The following GABRG3 variants were observed in gnomAD, a reference collection of about 807,000 sequenced individuals.
The protein encoded by GABRG3 is gamma-aminobutyric acid receptor subunit gamma-3.
GABRG3 carries 25 observed loss-of-function variants against 48.8 expected under a neutral mutation model. That is an observed-to-expected ratio of 0.51 (90% CI 0.37 to 0.72). GABRG3 has a LOEUF of 0.72. GABRG3 is among the 30% of genes least tolerant of loss of function. The pLI is 0.00. For synonymous variants in GABRG3, 227 were observed against 217.6 expected, an observed-to-expected ratio of 1.04 and a Z score of -0.38; for missense variants, 394 against 577.9, an observed-to-expected ratio of 0.68 and a Z score of 3.26.
At chr15:27,404,562 G>T (rs1471129008) in intron 5 of GABRG3, among the ~76,000 whole-genome samples, 1 of 152,196 alleles carries the variant, frequency 6.6e-6, no homozygotes, top group Non-Finnish European at 1.5e-5. Context: ...AGGGCTGTCT[G>T]GTTAATGGAC....
chr15:27,095,562 A>G (rs1374883926), intron 3 of GABRG3, among the ~76,000 whole-genome samples: 2 of 152,060 alleles, frequency 1.3e-5, no homozygotes, highest in African/African-American at 2.4e-5. Flanking sequence ...TCATAATTTA[A>G]TTATTTGTAA....
intron 3 of GABRG3, among the ~76,000 whole-genome samples, chr15:27,216,881 C>T (rs1355074427): frequency 6.8e-5 from 10 of 146,000 alleles, no homozygotes; most frequent in East Asian, 4.1e-4. Flanking sequence ...CACCCACTAA[C>T]GTGTCATCTA....
intron 3 of GABRG3, among the ~76,000 whole-genome samples, chr15:27,091,737 G>A (rs1011519142): frequency 2.0e-5 from 3 of 152,154 alleles, no homozygotes; most frequent in Non-Finnish European, 2.9e-5. Context: ...ACCAACAAAC[G>A]TGGTTCCTTG....
chr15:27,142,371 G>A (rs184101591), intron 3 of GABRG3, among the ~76,000 whole-genome samples: 15 of 152,266 alleles, frequency 9.9e-5, no homozygotes, highest in Non-Finnish European at 2.1e-4. Context: ...AGGCAAGGAG[G>A]ATCGAGTCCC....
intron 3 of GABRG3, among the ~76,000 whole-genome samples, chr15:27,317,089 C>T (rs73363149): frequency 4.8e-4 from 73 of 152,228 alleles, no homozygotes; most frequent in African/African-American, 1.8e-3. Context: ...GCCCTTTGGA[C>T]CCCCTCACCA....
At chr15:27,186,856 TTTCCCA>T (rs1888114505) in intron 3 of GABRG3, among the ~76,000 whole-genome samples, 1 of 152,204 alleles carries the variant, frequency 6.6e-6, no homozygotes, top group Admixed American at 6.6e-5. Context: ...TGCTTGTTGA[TTTCCCA>T]TTCCATAGGT....
At chr15:27,512,855 C>A (rs1486470385) in intron 6 of GABRG3, among the ~76,000 whole-genome samples, 2 of 152,142 alleles carry the variant, frequency 1.3e-5, no homozygotes, top group Non-Finnish European at 2.9e-5. Flanking sequence ...TAGGGCTGAC[C>A]TCCAAAAAGT....
chr15:27,312,171 C>A (rs1418817995), intron 3 of GABRG3, among the ~76,000 whole-genome samples: 1 of 151,916 alleles, frequency 6.6e-6, no homozygotes, highest in African/African-American at 2.4e-5. Context: ...GAAAAATTCA[C>A]TTGAGGGGTT....
intron 3 of GABRG3, among the ~76,000 whole-genome samples, chr15:27,284,731 T>C (rs1271775128): frequency 6.6e-6 from 1 of 152,152 alleles, no homozygotes; most frequent in Non-Finnish European, 1.5e-5. Flanking sequence ...ACTAGATAAT[T>C]TGACCAGCGA....
chr15:27,415,205 T>C (rs1887906120), intron 5 of GABRG3, among the ~76,000 whole-genome samples: 1 of 152,202 alleles, frequency 6.6e-6, no homozygotes, highest in Non-Finnish European at 1.5e-5. Context: ...CCATAGTTCT[T>C]GAATATTCTG....
intron 3 of GABRG3, among the ~76,000 whole-genome samples, chr15:27,108,548 C>T (rs1897490241): frequency 6.6e-6 from 1 of 152,162 alleles, no homozygotes; most frequent in Non-Finnish European, 1.5e-5. Context: ...AGGGCTTGTT[C>T]TGCTGTTGTC....
At chr15:27,126,870 G>A (rs1176576293) in intron 3 of GABRG3, among the ~76,000 whole-genome samples, 4 of 152,164 alleles carry the variant, frequency 2.6e-5, no homozygotes, top group African/African-American at 9.7e-5. Flanking sequence ...GATGGTGATG[G>A]AGCCCTGAGT....
chr15:27,034,849 C>T (rs553237267), intron 3 of GABRG3, among the ~76,000 whole-genome samples: 3 of 152,354 alleles, frequency 2.0e-5, no homozygotes, highest in East Asian at 3.9e-4. Context: ...GTGAACACAT[C>T]CTGCTCTACA....
At chr15:27,164,766 A>C (rs1003600262) in intron 3 of GABRG3, among the ~76,000 whole-genome samples, 12 of 152,226 alleles carry the variant, frequency 7.9e-5, no homozygotes, top group Non-Finnish European at 8.8e-5. Flanking sequence ...CATTGGTGAA[A>C]TCATTTTAGA....
intron 3 of GABRG3, among the ~76,000 whole-genome samples, chr15:27,152,870 T>TG (rs1898344066): frequency 6.6e-6 from 1 of 151,384 alleles, no homozygotes; most frequent in African/African-American, 2.4e-5. Context: ...AATTTTTTTT[T>TG]TTTTTTTTGA....
intron 3 of GABRG3, among the ~76,000 whole-genome samples, chr15:27,266,602 G>T (rs1020088566): frequency 2.0e-5 from 3 of 152,178 alleles, no homozygotes; most frequent in African/African-American, 7.2e-5. Flanking sequence ...GATTAGGAAT[G>T]CATCAAATCT....
At chr15:27,321,943 G>C (rs1338319295) in intron 3 of GABRG3, among the ~76,000 whole-genome samples, 1 of 152,280 alleles carries the variant, frequency 6.6e-6, no homozygotes, top group Non-Finnish European at 1.5e-5. Flanking sequence ...TGCAGTGACT[G>C]AAACAAATCA....
intron 3 of GABRG3, among the ~76,000 whole-genome samples, chr15:27,174,187 C>T (rs759308786): frequency 2.0e-5 from 3 of 152,172 alleles, no homozygotes; most frequent in Non-Finnish European, 4.4e-5. Flanking sequence ...CTCCAAACAC[C>T]ATTGTGTGGT....
chr15:27,518,252 C>G (rs1891074022), intron 6 of GABRG3, among the ~76,000 whole-genome samples: 1 of 150,798 alleles, frequency 6.6e-6, no homozygotes, highest in African/African-American at 2.5e-5. Context: ...GCCTGTAATC[C>G]CAGCTACTTG....
Sources: gnomAD v4.1 joint callset for allele counts (sites outside exome capture counted in the v4.1 genomes callset) on GRCh38, gnomAD v4.1.1 for gene constraint, MANE v1.5 for transcripts, NCBI Gene and HGNC (gene_info 2026-07-23, HGNC 2026-07-21) for gene names.